ARHGAP32: variants seen among roughly 807,000 people sequenced by gnomAD.
The protein encoded by ARHGAP32 is rho GTPase-activating protein 32.
In ARHGAP32, 51 loss-of-function variants were observed where a neutral mutation model predicts 186.5. The ratio of observed to expected loss-of-function variants is 0.27; its 90% CI spans 0.22 to 0.35. The LOEUF (loss-of-function observed/expected upper bound fraction) is 0.35, where lower values mean the gene tolerates loss of function less well. Ranked by LOEUF, ARHGAP32 falls within the 10% of genes least tolerant of loss-of-function variation. ARHGAP32 has a pLI of 1.00. For synonymous variants in ARHGAP32, 950 were observed against 964.3 expected, an observed-to-expected ratio of 0.99 and a Z score of 0.27; for missense variants, 2,186 against 2,623.5, an observed-to-expected ratio of 0.83 and a Z score of 3.64.
intron 5 of ARHGAP32, among the ~76,000 whole-genome samples, chr11:129,115,455 T>C (rs1942341716): frequency 6.6e-6 from 1 of 152,118 alleles, no homozygotes; most frequent in South Asian, 2.1e-4. Flanking sequence ...AGAGCACTGT[T>C]TTCTCAGCTG....
chr11:128,993,696 C>CT (rs113968109), intron 12 of ARHGAP32, among the ~76,000 whole-genome samples: 114 of 141,650 alleles, frequency 8.0e-4, no homozygotes, highest in Admixed American at 1.8e-3. Context: ...CATATGAAGT[C>CT]TTTTTTTTTT....
chr11:129,153,769 A>C (rs1943341680), intron 2 of ARHGAP32, among the ~76,000 whole-genome samples: 1 of 152,188 alleles, frequency 6.6e-6, no homozygotes, highest in Admixed American at 6.6e-5. Flanking sequence ...AAGACCTAAA[A>C]CCATAAAAAT....
At chr11:129,122,533 A>G (rs1232299368) in intron 5 of ARHGAP32, among the ~76,000 whole-genome samples, 1 of 152,142 alleles carries the variant, frequency 6.6e-6, no homozygotes, top group Non-Finnish European at 1.5e-5. Context: ...ATACACACTA[A>G]TGGAACAAAA....
At position 129,123,632 on chromosome 11, in the gene ARHGAP32, A is replaced by G. The variant is rs561477117; in HGVS notation, c.360-102T>C. ...GATTTAAGAGCTCATGCAAGCAAAA[A>G]TATTTCGTAAGCACATGCGCATGAG... On this transcript the variant is annotated intron_variant, in intron 4 of 22. Coordinates refer to ENST00000682385, the MANE Select transcript of ARHGAP32 (RefSeq NM_001378024.1). This position sits in a 1 kb window ranked among gnomAD's most constrained non-coding sequence, Gnocchi z 4.6. The G allele has an allele frequency of 1.2e-5, 13 of 1,067,724 alleles. No homozygotes were observed. The African/African-American group carries it at 1.3e-4, about 10-fold the overall frequency. 66.1% of individuals were successfully genotyped at this position (1,067,724 alleles called of 1,614,324 possible).
intron 19 of ARHGAP32, 127 bp downstream of exon 19, chr11:128,978,643 C>T: frequency 1.2e-6 from 1 of 817,632 alleles, no homozygotes; most frequent in Non-Finnish European, 1.8e-6. Context: ...AGAGAAGACA[C>T]TCTGTATGTG....
intron 2 of ARHGAP32, among the ~76,000 whole-genome samples, chr11:129,133,509 A>G (rs2135409540): frequency 6.6e-6 from 1 of 152,338 alleles, no homozygotes; most frequent in South Asian, 2.1e-4. Context: ...GTATTCTGAG[A>G]GCATCCAGAA....
rs1239622213 is a variant in ARHGAP32, at chr11:128,967,090, A to C, written c.*1817T>G. The C allele has an allele frequency of 6.6e-6, 1 of 152,184 alleles. No homozygotes were observed. Among genetic ancestry groups the C allele is most frequent in the Non-Finnish European group, 1.5e-5 (1 of 68,038 alleles). The allele number at this position is 152,184 out of a possible 1,614,324, so 9.4% of individuals were successfully genotyped here. Reference sequence around the variant, plus strand: ...CAGTTTTTACTGCATCCCTCCAATGAATTCTAAGGGAACAAAAGAAAACCT... The same window carrying C: ...CAGTTTTTACTGCATCCCTCCAATGCATTCTAAGGGAACAAAAGAAAACCT... On this transcript the variant is annotated 3_prime_UTR_variant, in exon 23 of 23. Coordinates refer to ENST00000682385, the MANE Select transcript of ARHGAP32 (RefSeq NM_001378024.1).
At chr11:129,236,085 T>C (rs550351318) in intron 1 of ARHGAP32, among the ~76,000 whole-genome samples, 43 of 152,322 alleles carry the variant, frequency 2.8e-4, no homozygotes, top group African/African-American at 8.9e-4. Context: ...GGTAGATACC[T>C]AGTAGTGGGA....
intron 1 of ARHGAP32, among the ~76,000 whole-genome samples, chr11:129,233,886 C>A (rs4937404): frequency 0.15 from 22,939 of 151,656 alleles, 2,125 homozygotes; most frequent in African/African-American, 0.26. Context: ...TCATATAATG[C>A]TATATATTTT....
At chr11:129,095,288 T>A (rs949790091) in intron 5 of ARHGAP32, among the ~76,000 whole-genome samples, 3 of 152,162 alleles carry the variant, frequency 2.0e-5, no homozygotes, top group African/African-American at 7.2e-5. Flanking sequence ...GAAAAAAGAA[T>A]CTATGTTAGA....
intron 11 of ARHGAP32, among the ~76,000 whole-genome samples, chr11:129,002,878 G>A (rs1937599818): frequency 7.2e-6 from 1 of 139,162 alleles, no homozygotes; most frequent in Non-Finnish European, 1.5e-5. Flanking sequence ...GCGCGATCTC[G>A]GCTCACTGCA....
chr11:129,209,556 T>C (rs565263583), intron 1 of ARHGAP32, among the ~76,000 whole-genome samples: 1 of 152,220 alleles, frequency 6.6e-6, no homozygotes, highest in South Asian at 2.1e-4. Context: ...AGGAGCTGAA[T>C]TCTTATGTCA....
At chr11:129,084,659 A>T (rs1046059879) in intron 6 of ARHGAP32, among the ~76,000 whole-genome samples, 2 of 152,198 alleles carry the variant, frequency 1.3e-5, no homozygotes, top group African/African-American at 2.4e-5. Context: ...AACTTCCATA[A>T]CTTGAGAAAG....
chr11:128,969,057 T>A lies in ARHGAP32; in HGVS notation c.6156A>T (p.Gly2052=), dbSNP rs775159410. 5.0e-6 allele frequency: 8 copies of A among 1,611,758 alleles called. No individual in the cohort carries two copies. The Admixed American group carries it at 1.0e-4, about 20-fold the overall frequency. The change falls in exon 23 of 23, where the codon GGA becomes GGT. Residue 2052 remains glycine, a synonymous_variant. Transcript: ENST00000682385. This position sits in a 1 kb window ranked among gnomAD's most constrained non-coding sequence, Gnocchi z 4.8. ...TCCCCATGCCGCCCCCTCCAAAGAC[T>A]CCTCGCTGGTGCTGAGGCAGGGAGT... is the stretch of plus-strand genomic sequence containing the variant. ...DYHSLPQHQR[G]VFGGGGMGTY...
chr11:128,968,139 A>G lies in ARHGAP32; in HGVS notation c.*768T>C, dbSNP rs1945260816. The G allele has an allele frequency of 6.6e-6, 1 of 151,960 alleles. No homozygotes were observed. Among genetic ancestry groups the G allele is most frequent in the African/African-American group, 2.4e-5 (1 of 41,356 alleles). The allele number at this position is 151,960 out of a possible 1,614,324, so 9.4% of individuals were successfully genotyped here. A position where few individuals can be genotyped will look rare whatever the true frequency, so the allele number is the denominator to read the frequency against. Reference sequence around the variant, plus strand: ...TAAGAACTTTACTTTCTTCCACCTAAAGAAGTTTCCTTAAGTACTAACTTT... The same window carrying G: ...TAAGAACTTTACTTTCTTCCACCTAGAGAAGTTTCCTTAAGTACTAACTTT... On this transcript the variant is annotated 3_prime_UTR_variant, in exon 23 of 23. Coordinates refer to ENST00000682385, the MANE Select transcript of ARHGAP32 (RefSeq NM_001378024.1).
Position 128,969,465 on chromosome 11 carries a change from G to C in ARHGAP32, c.5748C>G (p.Gly1916=), listed in dbSNP as rs1945296779. 1 of 1,614,040 alleles carries C rather than the reference G, an allele frequency of 6.2e-7. No individual in the cohort carries two copies. Among genetic ancestry groups the C allele is most frequent in the Non-Finnish European group, 8.5e-7 (1 of 1,180,042 alleles). Residue 1916 remains glycine (G), a synonymous_variant, in exon 23 of 23, where the codon GGC becomes GGG. Transcript: ENST00000682385. This position sits in a 1 kb window ranked among gnomAD's most constrained non-coding sequence, Gnocchi z 4.8. ...KNGPPYPQGA[G]QLDYGSKGIP... is the part of the protein sequence containing the mutation. ...TCCCTTTGGACCCATAATCTAACTG[G>C]CCAGCTCCCTGGGGATAAGGGGGCC...
chr11:129,226,889 T>C (rs1388611786), intron 1 of ARHGAP32, among the ~76,000 whole-genome samples: 1 of 151,936 alleles, frequency 6.6e-6, no homozygotes, highest in African/African-American at 2.4e-5. Context: ...CAGACTGAAA[T>C]AAAAGAACAC....
chr11:128,987,126 G>T (rs186567496), intron 13 of ARHGAP32, among the ~76,000 whole-genome samples: 22 of 152,248 alleles, frequency 1.4e-4, no homozygotes, highest in Non-Finnish European at 2.4e-4. Context: ...AAAAAAGTCA[G>T]AAACAACATA....
chr11:129,006,432 G>C (rs1937776231), intron 11 of ARHGAP32, among the ~76,000 whole-genome samples: 1 of 152,218 alleles, frequency 6.6e-6, no homozygotes. Flanking sequence ...AGCTGTATCT[G>C]CATTAGTGGA....
Sources: allele counts gnomAD v4.1 joint callset (sites outside exome capture counted in the v4.1 genomes callset), GRCh38; gene constraint gnomAD v4.1.1; non-coding constraint Gnocchi (gnomAD v3.1); transcripts MANE v1.5; gene names NCBI Gene and HGNC (gene_info 2026-07-23, HGNC 2026-07-21).